MYO9A: variants seen among roughly 807,000 people sequenced by gnomAD.
MYO9A encodes unconventional myosin-IXa.
Under a neutral mutation model 293.3 loss-of-function variants are expected in MYO9A, and 103 were observed. The observed-to-expected ratio is 0.35, with a 90% CI of 0.30 to 0.41. The LOEUF (loss-of-function observed/expected upper bound fraction) is 0.41, where lower values mean the gene tolerates loss of function less well. Among genes scored for constraint, MYO9A ranks in the 10% least tolerant of loss-of-function variants. MYO9A has a pLI of 1.00. For synonymous variants in MYO9A, 1,001 were observed against 1,035.7 expected (o/e 0.97, Z 0.64); for missense variants, 2,685 against 3,033.0 (o/e 0.89, Z 2.69).
intron 27 of MYO9A, among the ~76,000 whole-genome samples, chr15:71,887,161 A>G (rs2057045189): frequency 6.6e-6 from 1 of 152,090 alleles, no homozygotes; most frequent in African/African-American, 2.4e-5. Context: ...CAAAGCTGGC[A>G]CCTATTTTCA....
At chr15:71,953,270 A>G (rs750780565) in intron 14 of MYO9A, among the ~76,000 whole-genome samples, 11 of 152,194 alleles carry the variant, frequency 7.2e-5, no homozygotes, top group Admixed American at 1.3e-4. Flanking sequence ...GCTTGGAGAA[A>G]GAATGCTTAG....
intron 26 of MYO9A, 46 bp from the exon 27 acceptor site, chr15:71,888,162 T>C (rs1447198178): frequency 1.0e-6 from 1 of 991,714 alleles, no homozygotes; most frequent in Non-Finnish European, 1.5e-6. Flanking sequence ...AGTAAATATA[T>C]GATAGCACTG....
chr15:71,868,194 G>A (rs1294718122), intron 32 of MYO9A, among the ~76,000 whole-genome samples: 1 of 152,196 alleles, frequency 6.6e-6, no homozygotes, highest in Non-Finnish European at 1.5e-5. Flanking sequence ...TCAGTTCCAT[G>A]TGGTTGTTGG....
At chr15:71,853,688 T>G (rs1355625672) in intron 35 of MYO9A, among the ~76,000 whole-genome samples, 1 of 152,208 alleles carries the variant, frequency 6.6e-6, no homozygotes, top group African/African-American at 2.4e-5. Context: ...AATGTAGAAG[T>G]TGAGAATGAA....
chr15:72,092,082 T>C (rs982230915), intron 1 of MYO9A, among the ~76,000 whole-genome samples: 1 of 152,190 alleles, frequency 6.6e-6, no homozygotes, highest in Admixed American at 6.5e-5. Context: ...AAACATAAGA[T>C]AGGGCAGGAA....
chr15:72,072,703 G>A (rs759234459), intron 1 of MYO9A, among the ~76,000 whole-genome samples: 6 of 152,250 alleles, frequency 3.9e-5, no homozygotes, highest in South Asian at 2.1e-4. Flanking sequence ...GCTAAGTAGC[G>A]GGTATAGATG....
intron 1 of MYO9A, among the ~76,000 whole-genome samples, chr15:72,111,536 A>G (rs1014189681): frequency 6.6e-6 from 1 of 151,964 alleles, no homozygotes; most frequent in African/African-American, 2.4e-5. Flanking sequence ...CGTATTCAAG[A>G]GGGAAAAGGA....
At chr15:71,887,081 C>A (rs1234624931) in intron 27 of MYO9A, among the ~76,000 whole-genome samples, 1 of 152,066 alleles carries the variant, frequency 6.6e-6, no homozygotes. Flanking sequence ...TTAAAGAGAA[C>A]AGAATTATCT....
intron 39 of MYO9A, among the ~76,000 whole-genome samples, chr15:71,838,673 T>G (rs1421333143): frequency 6.6e-6 from 1 of 152,174 alleles, no homozygotes; most frequent in Non-Finnish European, 1.5e-5. Flanking sequence ...TACCCAGATT[T>G]CCAATCCTTT....
chr15:72,059,805 A>G (rs969799876), intron 1 of MYO9A, among the ~76,000 whole-genome samples: 2 of 152,220 alleles, frequency 1.3e-5, no homozygotes, highest in African/African-American at 4.8e-5. Context: ...AGGGAGAAAC[A>G]TTTGCCTGCC....
intron 12 of MYO9A, 99 bp downstream of exon 12, chr15:71,978,072 T>A (rs1234374726): frequency 1.1e-5 from 14 of 1,305,298 alleles, no homozygotes; most frequent in South Asian, 2.6e-5. Context: ...ACAAAAAAAA[T>A]TTGGCTCTTT....
chr15:72,050,164 T>TG (rs1474202947), intron 1 of MYO9A, among the ~76,000 whole-genome samples: 7 of 152,102 alleles, frequency 4.6e-5, no homozygotes, highest in East Asian at 1.9e-4. Context: ...TGTTTTGTTT[T>TG]TTTTTTTACA....
chr15:71,940,962 A>AG, intron 15 of MYO9A, among the ~76,000 whole-genome samples: 1 of 151,954 alleles, frequency 6.6e-6, no homozygotes, highest in African/African-American at 2.4e-5. Flanking sequence ...AGAAAGGAGG[A>AG]GGGGGAGGAG....
At chr15:72,036,095 T>C (rs2078038498) in intron 2 of MYO9A, among the ~76,000 whole-genome samples, 1 of 152,128 alleles carries the variant, frequency 6.6e-6, no homozygotes. Flanking sequence ...ATATACATAG[T>C]TGAAAATATT....
rs1567169896 is a variant in MYO9A at position 71,825,995 on chromosome 15, G to GTTTTGTTTTTTTTTTTTTTTTT, written c.*584_*585insAAAAAAAAAAAAAAAAACAAAA. 1 of 91,526 alleles carries GTTTTGTTTTTTTTTTTTTTTTT rather than the reference G, an allele frequency of 1.1e-5. No individual in the cohort carries two copies. The allele number at this position is 91,526 out of a possible 1,614,324, so 5.7% of individuals were successfully genotyped here. ...ATGGAAACAATCACGGTTTTTTTTT[G>GTTTTGTTTTTTTTTTTTTTTTT]TTTTTTTTTTTTTGTTTTTTTTTTT... On this transcript the variant is annotated 3_prime_UTR_variant, in exon 42 of 42. Transcript: ENST00000356056.
At chr15:72,020,237 A>C (rs1596394682) in intron 5 of MYO9A, among the ~76,000 whole-genome samples, 1 of 152,194 alleles carries the variant, frequency 6.6e-6, no homozygotes, top group Admixed American at 6.5e-5. Context: ...TAAATGACCT[A>C]TTGTTTTACT....
intron 28 of MYO9A, among the ~76,000 whole-genome samples, chr15:71,881,490 G>A (rs35145719): frequency 0.013 from 2,023 of 152,070 alleles, 18 homozygotes; most frequent in East Asian, 0.024. Context: ...CAAGAGTAAA[G>A]AATATAAAGA....
At chr15:72,071,100 CAGAGT>C (rs1567007776) in intron 1 of MYO9A, among the ~76,000 whole-genome samples, 2 of 152,164 alleles carry the variant, frequency 1.3e-5, no homozygotes, top group Non-Finnish European at 2.9e-5. Context: ...AAAATATCCA[CAGAGT>C]AAACAGACAA....
rs2058612546 is a variant in MYO9A at position 71,935,407 on chromosome 15, T to A, written c.2456A>T (p.Asp819Val). The change falls in exon 17 of 42, where the codon GAT becomes GTT. Residue 819 changes from aspartate to valine, a missense_variant. By Grantham distance (152) the Asp-to-Val change is radical. Coordinates refer to ENST00000356056, the MANE Select transcript of MYO9A (RefSeq NM_006901.4). The part of the protein sequence containing the change: ...SRLSSGTSLL[D>V]KDGIFANSTS... Reference sequence around the variant, plus strand: ...TGAATTAGCAAATATTCCATCTTTATCAAGCAAGGAGGTGCCACTTGATAG... The same window carrying A: ...TGAATTAGCAAATATTCCATCTTTAACAAGCAAGGAGGTGCCACTTGATAG... 6.2e-7 allele frequency: 1 copy of A among 1,613,608 alleles called. No homozygotes were observed. Among genetic ancestry groups the A allele is most frequent in the Admixed American group, 1.7e-5 (1 of 59,968 alleles).
Sources: gnomAD v4.1 joint callset for allele counts (sites outside exome capture counted in the v4.1 genomes callset) on GRCh38, gnomAD v4.1.1 for gene constraint, MANE v1.5 for transcripts, NCBI Gene and HGNC (gene_info 2026-07-23, HGNC 2026-07-21) for gene names.